The following MAGI1 variants were observed in gnomAD, a reference collection of about 807,000 sequenced individuals.
MAGI1 encodes the protein membrane-associated guanylate kinase, WW and PDZ domain-containing protein 1.
MAGI1 carries 58 observed loss-of-function variants against 139.9 expected under a neutral mutation model. That is an observed-to-expected ratio of 0.41 (90% CI 0.34 to 0.52). The LOEUF (loss-of-function observed/expected upper bound fraction) is 0.52, where lower values mean the gene tolerates loss of function less well. MAGI1 is among the 20% of genes least tolerant of loss of function. The probability of loss-of-function intolerance (pLI) is 0.12; values close to 1 mark genes in which losing one functional copy is unlikely to be tolerated. For synonymous variants in MAGI1, 812 were observed against 737.9 expected, an observed-to-expected ratio of 1.10 and a Z score of -1.63; for missense variants, 1,874 against 1,901.6, an observed-to-expected ratio of 0.99 and a Z score of 0.27.
At chr3:65,888,395 T>C (rs926996116) in intron 1 of MAGI1, among the ~76,000 whole-genome samples, 10 of 152,342 alleles carry the variant, frequency 6.6e-5, no homozygotes, top group Non-Finnish European at 1.0e-4. Flanking sequence ...ATGTCTAGCA[T>C]TGGCAACCAA....
chr3:65,786,442 G>A (rs1329931256), intron 1 of MAGI1, among the ~76,000 whole-genome samples: 1 of 151,626 alleles, frequency 6.6e-6, no homozygotes, highest in Non-Finnish European at 1.5e-5. Flanking sequence ...AAGCAGCTGG[G>A]TCTACAGGCA....
intron 14 of MAGI1, among the ~76,000 whole-genome samples, chr3:65,385,234 ACT>A (rs1943354010): frequency 6.6e-6 from 1 of 151,944 alleles, no homozygotes; most frequent in African/African-American, 2.4e-5. Context: ...TCTATACACC[ACT>A]CTGTTACTTC....
intron 1 of MAGI1, among the ~76,000 whole-genome samples, chr3:65,952,119 G>T (rs2063890508): frequency 6.6e-6 from 1 of 151,938 alleles, no homozygotes; most frequent in Admixed American, 6.6e-5. Flanking sequence ...AGTGTAGATA[G>T]ATAACTCTTA....
chr3:65,772,864 C>T (rs895206523), intron 1 of MAGI1, among the ~76,000 whole-genome samples: 3 of 152,094 alleles, frequency 2.0e-5, no homozygotes, highest in African/African-American at 4.8e-5. Context: ...GCACAGAAAG[C>T]AATTAACAGC....
intron 1 of MAGI1, among the ~76,000 whole-genome samples, chr3:65,800,688 G>A (rs945431383): frequency 1.3e-4 from 20 of 151,676 alleles, no homozygotes; most frequent in African/African-American, 4.3e-4. Flanking sequence ...TTCTGAAAAG[G>A]AGTGATAGCA....
intron 1 of MAGI1, among the ~76,000 whole-genome samples, chr3:65,932,831 G>C (rs1576129816): frequency 6.6e-6 from 1 of 152,210 alleles, no homozygotes; most frequent in Admixed American, 6.5e-5. Context: ...GCCGTCTCTA[G>C]ATAATAAATT....
At chr3:65,992,194 C>T (rs17821707) in intron 1 of MAGI1, among the ~76,000 whole-genome samples, 32,854 of 151,962 alleles carry the variant, frequency 0.22, 3,801 homozygotes, top group Non-Finnish European at 0.25. Context: ...TGAAAAAATG[C>T]ACAGAAGGTA....
At chr3:65,796,065 A>G (rs529034042) in intron 1 of MAGI1, among the ~76,000 whole-genome samples, 2 of 150,978 alleles carry the variant, frequency 1.3e-5, no homozygotes, top group South Asian at 2.1e-4. Context: ...AAAAAAAAAA[A>G]AAAAAGAAAA....
At chr3:65,613,154 ATTT>A (rs2083204567) in intron 2 of MAGI1, among the ~76,000 whole-genome samples, 1 of 152,152 alleles carries the variant, frequency 6.6e-6, no homozygotes, top group Non-Finnish European at 1.5e-5. Context: ...TTCCATCATT[ATTT>A]AACTGTGCCT....
intron 1 of MAGI1, among the ~76,000 whole-genome samples, chr3:65,867,815 C>T (rs926433109): frequency 2.0e-5 from 3 of 152,108 alleles, no homozygotes; most frequent in Non-Finnish European, 4.4e-5. Context: ...GACAGCTCCA[C>T]ACCCTAGCCC....
intron 1 of MAGI1, among the ~76,000 whole-genome samples, chr3:65,863,880 T>C (rs73832995): frequency 0.015 from 2,325 of 152,192 alleles, 57 homozygotes; most frequent in African/African-American, 0.052. Flanking sequence ...AGATTCTAGC[T>C]GAAGTGTCAT....
intron 3 of MAGI1, among the ~76,000 whole-genome samples, chr3:65,480,661 C>A (rs1244847762): frequency 6.8e-6 from 1 of 147,314 alleles, no homozygotes; most frequent in African/African-American, 2.5e-5. Flanking sequence ...TCTCGGCTCA[C>A]TGCAACCTTC....
intron 5 of MAGI1, among the ~76,000 whole-genome samples, chr3:65,464,875 A>G (rs1000485953): frequency 3.3e-5 from 5 of 151,314 alleles, no homozygotes; most frequent in Non-Finnish European, 4.4e-5. Context: ...GGTTACATGA[A>G]TATTTTAGAA....
intron 5 of MAGI1, among the ~76,000 whole-genome samples, chr3:65,459,940 A>T (rs1949663012): frequency 6.6e-6 from 1 of 152,190 alleles, no homozygotes. Context: ...AAAAAAAGAA[A>T]AAAAGAAAAA....
chr3:65,743,970 A>T (rs899441482), intron 1 of MAGI1, among the ~76,000 whole-genome samples: 2 of 152,066 alleles, frequency 1.3e-5, no homozygotes, highest in African/African-American at 4.8e-5. Flanking sequence ...AAAATAAAAA[A>T]AAAAAGTGAG....
At chr3:65,793,699 C>T (rs545878506) in intron 1 of MAGI1, among the ~76,000 whole-genome samples, 1 of 152,134 alleles carries the variant, frequency 6.6e-6, no homozygotes, top group African/African-American at 2.4e-5. Flanking sequence ...TGCAGGTCTG[C>T]ATCTGTCTGG....
Position 65,817,373 on chromosome 3 carries a change from A to G in MAGI1, c.314-195285T>C, listed in dbSNP as rs181648280. On this transcript the variant is annotated intron_variant, in intron 1 of 22. Transcript: ENST00000402939. The stretch of plus-strand genomic sequence containing the variant: ...CGTATAAATCCCTCCATAGTTAAAA[A>G]TAATTTTATTATATTCTGAATGGAG... Among the ~76,000 whole-genome samples the G allele has an allele frequency of 3.0e-4, 46 of 152,328 alleles. No individual in the cohort carries two copies. In the East Asian group the frequency reaches 8.1e-3, roughly 27 times the overall value.
intron 1 of MAGI1, among the ~76,000 whole-genome samples, chr3:65,840,259 C>T (rs2058760289): frequency 6.6e-6 from 1 of 151,228 alleles, no homozygotes; most frequent in Admixed American, 6.6e-5. Context: ...ATTTCCTTGT[C>T]TTGCCTTACT....
At chr3:65,457,820 T>C (rs1949502801) in intron 5 of MAGI1, among the ~76,000 whole-genome samples, 1 of 152,170 alleles carries the variant, frequency 6.6e-6, no homozygotes, top group Non-Finnish European at 1.5e-5. Flanking sequence ...ATTCATTTAA[T>C]TATTTTTAAA....
Sources: allele counts gnomAD v4.1 joint callset (sites outside exome capture counted in the v4.1 genomes callset), GRCh38; gene constraint gnomAD v4.1.1; transcripts MANE v1.5; gene names NCBI Gene and HGNC (gene_info 2026-07-23, HGNC 2026-07-21).